Variants in CDC14A observed in about 807,000 individuals in gnomAD.
CDC14A encodes the protein cell division cycle 14A, also known as dual specificity protein phosphatase CDC14A.
In CDC14A, 53 loss-of-function variants were observed where a neutral mutation model predicts 74.4. The observed-to-expected ratio is 0.71, with a 90% CI of 0.57 to 0.89. CDC14A has a LOEUF of 0.89. Among genes scored for constraint, CDC14A ranks in the 40% least tolerant of loss-of-function variants. The pLI is 0.00. For missense variants in CDC14A, 646 were observed against 713.7 expected (o/e 0.91, Z 1.08); for synonymous variants, 247 against 258.4 (o/e 0.96, Z 0.43).
chr1:100,469,696 A>G lies in CDC14A; in HGVS notation c.977+1602A>G, dbSNP rs184490735. Among the ~76,000 whole-genome samples the G allele has an allele frequency of 3.5e-4, 54 of 152,320 alleles. No homozygotes were observed. The South Asian group carries it at 8.7e-3, about 25-fold the overall frequency. On this transcript the variant is annotated intron_variant, in intron 10 of 15. Transcript: ENST00000336454. The stretch of plus-strand genomic sequence containing the variant: ...TCATTTAATAGGTATTGCTATACCT[A>G]TTGCCCCAGGCATTCTGCTAAGTAC...
At chr1:100,498,885 ATTG>A (rs750525605) in intron 14 of CDC14A, 41 bp from the exon 15 acceptor site, 11 of 1,573,306 alleles carry the variant, frequency 7.0e-6, no homozygotes, top group Non-Finnish European at 9.5e-6. Flanking sequence ...GTGATTGTAC[ATTG>A]TTGTCTGTTT....
At chr1:100,512,186 G>T (rs771703191) in intron 15 of CDC14A, among the ~76,000 whole-genome samples, 4 of 151,950 alleles carry the variant, frequency 2.6e-5, no homozygotes, top group Non-Finnish European at 5.9e-5. Flanking sequence ...TCCTAGGAGC[G>T]CTGACACTCT....
At chr1:100,491,660 C>G (rs1217636383) in intron 11 of CDC14A, among the ~76,000 whole-genome samples, 1 of 143,540 alleles carries the variant, frequency 7.0e-6, no homozygotes, top group East Asian at 2.0e-4. Context: ...CAACCTCTGC[C>G]TCCCGGGTTC....
chr1:100,455,430 G>A lies in CDC14A; in HGVS notation c.545G>A (p.Trp182Ter). 1 of 1,603,300 alleles carries A rather than the reference G, an allele frequency of 6.2e-7. No individual in the cohort carries two copies. The highest frequency in any genetic ancestry group is 8.5e-7 in the Non-Finnish European group (1 of 1,176,740). Residue 182 changes from tryptophan to a stop codon, truncating the protein, a stop_gained, in exon 8 of 16, where the codon TGG becomes TAG. Transcript: ENST00000336454. LOFTEE classifies it high-confidence loss of function. ...CGAGTTGAAAATGGTGACTTCAACT[G>A]GATTGTTCCAGGAAAATTTTTAGCA... ...YERVENGDFNWIVPGKFLAFS... is the reference protein window; with the variant it reads ...YERVENGDFN
upstream of CDC14A, among the ~76,000 whole-genome samples, chr1:100,350,412 A>G (rs1650845073): frequency 6.6e-6 from 1 of 152,254 alleles, no homozygotes; most frequent in Non-Finnish European, 1.5e-5. Flanking sequence ...ATTTTAAAAA[A>G]CATTAATTAC....
At chr1:100,475,139 T>C (rs1668762213) in intron 10 of CDC14A, among the ~76,000 whole-genome samples, 2 of 152,172 alleles carry the variant, frequency 1.3e-5, no homozygotes, top group South Asian at 4.1e-4. Context: ...ATTGGGTAGT[T>C]TCTACTATTC....
At chr1:100,349,021 C>T (rs555579439), upstream of CDC14A, among the ~76,000 whole-genome samples, 9 of 152,254 alleles carry the variant, frequency 5.9e-5, no homozygotes, top group East Asian at 1.7e-3. Context: ...ATAGTGAAAT[C>T]CTGTCTCTAC....
At chr1:100,467,657 A>G (rs958333629) in intron 9 of CDC14A, among the ~76,000 whole-genome samples, 1 of 151,510 alleles carries the variant, frequency 6.6e-6, no homozygotes, top group African/African-American at 2.4e-5. Flanking sequence ...CCAGCCTTCC[A>G]TCTCATCTCT....
At chr1:100,380,556 A>C (rs1320339899) in intron 3 of CDC14A, among the ~76,000 whole-genome samples, 6 of 151,884 alleles carry the variant, frequency 4.0e-5, no homozygotes, top group Non-Finnish European at 8.8e-5. Context: ...TGCCTTTGTT[A>C]CTCACTTTGC....
chr1:100,455,334 T>C lies in CDC14A; in HGVS notation c.520-71T>C, dbSNP rs541310314. On this transcript the variant is annotated intron_variant, in intron 7 of 15. Transcript: ENST00000336454. ...ACTAAGAGTGAAAAGCAGTTTTATT[T>C]GTAAGGGTTTCCTAAATTGTATAAG... 6 of 994,680 alleles carry C rather than the reference T, an allele frequency of 6.0e-6. No individual in the cohort carries two copies. In the East Asian group the frequency reaches 1.6e-4, roughly 26 times the overall value. The allele number at this position is 994,680 out of a possible 1,614,324, so 61.6% of individuals were successfully genotyped here.
In CDC14A at chr1:100,390,722, C is replaced by T. The variant is rs1307864628; in HGVS notation, c.217-10C>T. 6.4e-7 allele frequency: 1 copy of T among 1,573,228 alleles called. No homozygotes were observed. The highest frequency in any genetic ancestry group is 1.4e-5 in the African/African-American group (1 of 74,062). On this transcript the variant is annotated splice_polypyrimidine_tract_variant and intron_variant, in intron 3 of 15. Transcript: ENST00000336454. ...TGGTTACACTAACTCTTTTTATCTC[C>T]TCTTTCTAGTCATACAGTTTGTCAA...
intron 4 of CDC14A, among the ~76,000 whole-genome samples, chr1:100,420,168 A>G (rs954777891): frequency 1.4e-5 from 2 of 141,090 alleles, no homozygotes; most frequent in African/African-American, 5.2e-5. Context: ...GCACCTAAAA[A>G]CAAAGCTAAA....
chr1:100,439,264 G>A (rs1216202131), intron 5 of CDC14A, among the ~76,000 whole-genome samples: 3 of 152,084 alleles, frequency 2.0e-5, no homozygotes, highest in Non-Finnish European at 4.4e-5. Flanking sequence ...ACATTTTCCT[G>A]TTTTCTTTCT....
At position 100,505,037 on chromosome 1, in the gene CDC14A, G is replaced by A. The variant is rs577173682; in HGVS notation, c.1755+5775G>A. On this transcript the variant is annotated intron_variant, in intron 15 of 15. Coordinates refer to ENST00000336454, the MANE Select transcript of CDC14A (RefSeq NM_003672.4). The stretch of plus-strand genomic sequence containing the variant: ...GTTTACATATTGTCTGTGTATGTAA[G>A]AATTGTCTCCAAATTTAAACTTCTT... 7.2e-6 allele frequency: 8 copies of A among 1,115,638 alleles called. No individual in the cohort carries two copies. In the South Asian group the frequency reaches 1.7e-4, roughly 23 times the overall value. 69.1% of individuals were successfully genotyped at this position (1,115,638 alleles called of 1,614,324 possible).
chr1:100,427,170 T>C (rs1663059438), intron 5 of CDC14A, among the ~76,000 whole-genome samples: 1 of 152,200 alleles, frequency 6.6e-6, no homozygotes, highest in Admixed American at 6.5e-5. Flanking sequence ...AATTACACTT[T>C]TGTCTTCATT....
chr1:100,496,713 A>G (rs1647895360), intron 13 of CDC14A, among the ~76,000 whole-genome samples: 2 of 152,172 alleles, frequency 1.3e-5, no homozygotes, highest in African/African-American at 4.8e-5. Flanking sequence ...GCTTCTGGAG[A>G]AGCTTGAATT....
rs748649840 is a variant in CDC14A at position 100,499,212 on chromosome 1, T to C, written c.1705T>C (p.Tyr569His). The C allele has an allele frequency of 8.7e-6, 14 of 1,614,156 alleles. No individual in the cohort carries two copies. The highest frequency in any genetic ancestry group is 1.1e-5 in the Non-Finnish European group (13 of 1,180,006). Residue 569 changes from tyrosine to histidine, a missense_variant, in exon 15 of 16, where the codon TAC becomes CAC. Physicochemically the swap from Tyr to His is moderately conservative, Grantham distance 83. Transcript: ENST00000336454. The part of the protein sequence containing the change: ...EEHTTILRPS[Y>H]TGLSSSSARF... ...GCACACCACCATCCTCCGACCCTCCTACACCGGGCTTTCTTCTTCTTCAGC... is the reference window on the plus strand; with the variant it reads ...GCACACCACCATCCTCCGACCCTCCCACACCGGGCTTTCTTCTTCTTCAGC...
At chr1:100,369,109 G>A (rs1254198966) in intron 2 of CDC14A, among the ~76,000 whole-genome samples, 3 of 145,348 alleles carry the variant, frequency 2.1e-5, no homozygotes, top group South Asian at 2.2e-4. Context: ...ATGGAGTCTC[G>A]CTCTGTCGCC....
upstream of CDC14A, among the ~76,000 whole-genome samples, chr1:100,349,228 C>T (rs949935793): frequency 6.6e-6 from 1 of 151,902 alleles, no homozygotes; most frequent in Non-Finnish European, 1.5e-5. Context: ...TTTTCAAACT[C>T]GACACTTTTT....
Sources: gnomAD v4.1 joint callset for allele counts (sites outside exome capture counted in the v4.1 genomes callset) on GRCh38, gnomAD v4.1.1 for gene constraint, MANE v1.5 for transcripts, NCBI Gene and HGNC (gene_info 2026-07-23, HGNC 2026-07-21) for gene names.